Variants in PRKCH observed in about 807,000 individuals in gnomAD.
PRKCH encodes protein kinase C eta type.
In PRKCH, 28 loss-of-function variants were observed where a neutral mutation model predicts 82.5. The observed-to-expected ratio is 0.34, with a 90% CI of 0.25 to 0.47. PRKCH has a LOEUF of 0.47. PRKCH is among the 20% of genes least tolerant of loss of function. The pLI is 1.00. For synonymous variants in PRKCH, 322 were observed against 327.4 expected, an observed-to-expected ratio of 0.98 and a Z score of 0.18; for missense variants, 705 against 881.8, an observed-to-expected ratio of 0.80 and a Z score of 2.54.
At chr14:61,351,831 G>A (rs1383234253) in intron 1 of PRKCH, among the ~76,000 whole-genome samples, 2 of 152,078 alleles carry the variant, frequency 1.3e-5, no homozygotes, top group Admixed American at 1.3e-4. Flanking sequence ...ATTGGCAATG[G>A]CTCCTTGCAT....
At chr14:61,320,041 C>G (rs1047100610), upstream of PRKCH, among the ~76,000 whole-genome samples, 1 of 152,070 alleles carries the variant, frequency 6.6e-6, no homozygotes, top group Non-Finnish European at 1.5e-5. Flanking sequence ...AAAGATGAAC[C>G]TGGGGCCAGG....
chr14:61,508,393 G>GGC (rs1301144166), intron 10 of PRKCH, among the ~76,000 whole-genome samples: 1 of 152,124 alleles, frequency 6.6e-6, no homozygotes, highest in African/African-American at 2.4e-5. Context: ...TTCCCCTCTA[G>GGC]GTAGTGATAG....
intron 2 of PRKCH, among the ~76,000 whole-genome samples, chr14:61,393,893 T>G (rs2046727308): frequency 6.6e-6 from 1 of 152,246 alleles, no homozygotes; most frequent in Non-Finnish European, 1.5e-5. Flanking sequence ...CCTTCACGTG[T>G]CAGATTCTCT....
intron 2 of PRKCH, among the ~76,000 whole-genome samples, chr14:61,438,447 C>T (rs914518334): frequency 3.3e-5 from 5 of 152,166 alleles, no homozygotes; most frequent in Non-Finnish European, 5.9e-5. Context: ...TGCTTACAAT[C>T]ATTTTAAAAA....
chr14:61,208,635 G>A (rs949630241), intron 1 of PRKCH, among the ~76,000 whole-genome samples: 3 of 152,156 alleles, frequency 2.0e-5, no homozygotes, highest in South Asian at 2.1e-4. Flanking sequence ...CCTGAAGAGC[G>A]CGTCTTTAAG....
intron 9 of PRKCH, among the ~76,000 whole-genome samples, chr14:61,476,864 CA>C (rs34133336): frequency 0.076 from 11,355 of 148,820 alleles, 503 homozygotes; most frequent in African/African-American, 0.11. Context: ...ATGATAAGTT[CA>C]AAAAAAAAAT....
chr14:61,211,846 C>G (rs1306474527), intron 1 of PRKCH, among the ~76,000 whole-genome samples: 1 of 152,142 alleles, frequency 6.6e-6, no homozygotes, highest in African/African-American at 2.4e-5. Flanking sequence ...CAGTAAAATC[C>G]CTTGAAACTC....
chr14:61,319,054 G>C (rs2045586542), upstream of PRKCH, among the ~76,000 whole-genome samples: 1 of 152,132 alleles, frequency 6.6e-6, no homozygotes, highest in Non-Finnish European at 1.5e-5. Flanking sequence ...ACAGCCTTCA[G>C]AGGCGTCCAG....
Position 61,204,517 on chromosome 14 carries a change from G to T in PRKCH, c.-19+16849G>T, listed in dbSNP as rs376345173. On this transcript the variant is annotated intron_variant, in intron 1 of 3. Coordinates refer to the PRKCH transcript ENST00000555185. ...CACCTGTAAACCCAGAACTTTGGGAGGCCAAGGCAGGAGGATTGCTTGCAC... is the reference window on the plus strand; with the variant it reads ...CACCTGTAAACCCAGAACTTTGGGATGCCAAGGCAGGAGGATTGCTTGCAC... 2.0e-5 allele frequency among the ~76,000 whole-genome samples: 3 copies of T among 152,270 alleles called. No homozygotes were observed. The East Asian group carries it at 5.8e-4, about 29-fold the overall frequency.
intron 1 of PRKCH, among the ~76,000 whole-genome samples, chr14:61,214,843 C>T (rs1399057859): frequency 6.6e-6 from 1 of 152,120 alleles, no homozygotes. Context: ...TTTTGTCCAG[C>T]AAATCATTTA....
intron 1 of PRKCH, among the ~76,000 whole-genome samples, chr14:61,253,945 G>A (rs1347553009): frequency 1.3e-5 from 2 of 150,562 alleles, no homozygotes; most frequent in African/African-American, 4.9e-5. Flanking sequence ...AAATGTTTGT[G>A]TACATGTTTC....
At chr14:61,480,522 GAATT>G (rs1885926417) in intron 9 of PRKCH, among the ~76,000 whole-genome samples, 1 of 152,146 alleles carries the variant, frequency 6.6e-6, no homozygotes, top group African/African-American at 2.4e-5. Flanking sequence ...TACTCCTTTG[GAATT>G]AATTTTGCTG....
At chr14:61,221,680 C>A (rs116756827) in intron 1 of PRKCH, among the ~76,000 whole-genome samples, 1,974 of 152,238 alleles carry the variant, frequency 0.013, 32 homozygotes, top group African/African-American at 0.045. Context: ...TAGCCCATGC[C>A]TAGTGGCCTT....
chr14:61,221,572 C>T (rs984046663), intron 1 of PRKCH, among the ~76,000 whole-genome samples: 15 of 152,140 alleles, frequency 9.9e-5, no homozygotes, highest in African/African-American at 2.6e-4. Flanking sequence ...GATGCCTGCC[C>T]GAGAACCGCT....
intron 1 of PRKCH, among the ~76,000 whole-genome samples, chr14:61,215,576 CCTAA>C (rs1330991587): frequency 1.3e-5 from 2 of 152,064 alleles, no homozygotes; most frequent in African/African-American, 4.8e-5. Flanking sequence ...CTTAGAAAAC[CCTAA>C]CTAATACAGA....
At chr14:61,355,795 A>T (rs1008754713) in intron 1 of PRKCH, among the ~76,000 whole-genome samples, 10 of 152,012 alleles carry the variant, frequency 6.6e-5, no homozygotes, top group African/African-American at 2.4e-4. Context: ...ATTTTTTGCC[A>T]CTTACACATT....
At chr14:61,428,832 A>C (rs1385990369) in intron 2 of PRKCH, among the ~76,000 whole-genome samples, 3 of 152,210 alleles carry the variant, frequency 2.0e-5, no homozygotes, top group Non-Finnish European at 4.4e-5. Flanking sequence ...ATTGCCTATG[A>C]AAGTTAAAAA....
chr14:61,423,529 G>A (rs1780408169), intron 2 of PRKCH, among the ~76,000 whole-genome samples: 3 of 152,198 alleles, frequency 2.0e-5, no homozygotes, highest in African/African-American at 7.2e-5. Context: ...CTTTGGATGA[G>A]GAAGCACTTT....
chr14:61,197,413 A>G (rs1044167367), intron 1 of PRKCH, among the ~76,000 whole-genome samples: 7 of 152,162 alleles, frequency 4.6e-5, no homozygotes, highest in Non-Finnish European at 1.5e-5. Context: ...ACAGTTATGA[A>G]GGCTGAGAAG....
Sources: gnomAD v4.1 joint callset for allele counts (sites outside exome capture counted in the v4.1 genomes callset) on GRCh38, gnomAD v4.1.1 for gene constraint, MANE v1.5 for transcripts, NCBI Gene and HGNC (gene_info 2026-07-23, HGNC 2026-07-21) for gene names.